Variants in EML6 observed in about 807,000 individuals in gnomAD.
The protein encoded by EML6 is echinoderm microtubule-associated protein-like 6.
EML6 carries 154 observed loss-of-function variants against 240.1 expected under a neutral mutation model. The ratio of observed to expected loss-of-function variants is 0.64; its 90% confidence interval spans 0.56 to 0.73. The LOEUF (loss-of-function observed/expected upper bound fraction) is 0.73, where lower values mean the gene tolerates loss of function less well. Ranked by LOEUF, EML6 falls within the 30% of genes least tolerant of loss-of-function variation. EML6 has a pLI of 0.00. For synonymous variants in EML6, 1,148 were observed against 899.0 expected, an observed-to-expected ratio of 1.28 and a Z score of -4.95; for missense variants, 2,964 against 2,474.6, an observed-to-expected ratio of 1.20 and a Z score of -4.20.
At chr2:54,894,416 A>G (rs545214586) in intron 19 of EML6, among the ~76,000 whole-genome samples, 3 of 152,284 alleles carry the variant, frequency 2.0e-5, no homozygotes, top group East Asian at 3.9e-4. Flanking sequence ...ATGAAATAGG[A>G]TCGTTTCATT....
chr2:54,795,774 A>C (rs947460101), intron 2 of EML6, among the ~76,000 whole-genome samples: 4 of 152,226 alleles, frequency 2.6e-5, no homozygotes, highest in African/African-American at 9.6e-5. Context: ...TTCAATACTT[A>C]ATACTTGAGT....
chr2:54,935,454 C>G (rs1013900219), intron 28 of EML6, among the ~76,000 whole-genome samples: 1 of 152,092 alleles, frequency 6.6e-6, no homozygotes, highest in Non-Finnish European at 1.5e-5. Context: ...GTTTTTATTA[C>G]CTAGTATTAT....
chr2:54,824,083 T>C (rs1572956140), intron 5 of EML6, among the ~76,000 whole-genome samples: 1 of 152,254 alleles, frequency 6.6e-6, no homozygotes, highest in East Asian at 1.9e-4. Flanking sequence ...ATTTCTTTAG[T>C]GAACTACCTT....
intron 17 of EML6, among the ~76,000 whole-genome samples, chr2:54,885,439 C>T (rs185423854): frequency 1.7e-3 from 249 of 150,876 alleles, no homozygotes; most frequent in Middle Eastern, 0.01. Flanking sequence ...AAGAACGAAA[C>T]TCTGTCTCAA....
At position 54,863,773 on chromosome 2, in the gene EML6, ATC is replaced by A; in HGVS notation, c.1826-6_1826-5del. ...TTTTTGCTTGTTTCTTGTGGGTTGT[ATC>A]TCTGCAGAAGGTGGAGCTGATTCCT... On this transcript the variant is annotated splice_polypyrimidine_tract_variant and splice_region_variant and intron_variant, in intron 12 of 41. Coordinates refer to ENST00000356458, the MANE Select transcript of EML6 (RefSeq NM_001039753.4). 1 of 1,469,218 alleles carries A rather than the reference ATC, an allele frequency of 6.8e-7. No homozygotes were observed. The highest frequency in any genetic ancestry group is 2.5e-5 in the East Asian group (1 of 40,140). The allele number at this position is 1,469,218 out of a possible 1,614,324, so 91.0% of individuals were successfully genotyped here. A position where few individuals can be genotyped will look rare whatever the true frequency, so the allele number is the denominator to read the frequency against.
intron 2 of EML6, among the ~76,000 whole-genome samples, chr2:54,760,775 T>C (rs1004389050): frequency 2.6e-5 from 4 of 151,658 alleles, no homozygotes; most frequent in Non-Finnish European, 4.4e-5. Flanking sequence ...ATGGGAGGTG[T>C]ACATGAGATC....
At chr2:54,761,277 TATG>T (rs1667969797) in intron 2 of EML6, among the ~76,000 whole-genome samples, 2 of 152,100 alleles carry the variant, frequency 1.3e-5, no homozygotes, top group Non-Finnish European at 2.9e-5. Context: ...AACCAAAAAA[TATG>T]ATAATAAACA....
chr2:54,970,287 C>G lies in EML6; in HGVS notation c.*192C>G, dbSNP rs776337162. On this transcript the variant is annotated 3_prime_UTR_variant, in exon 42 of 42. Transcript: ENST00000356458. ...TGGACTCTCCAAAACCGTGATGCCA[C>G]GAAGGAAGGTCAAGTTTTAAAATGT... The G allele has an allele frequency of 4.8e-6, 3 of 619,042 alleles. No individual in the cohort carries two copies. The highest frequency in any genetic ancestry group is 5.7e-6 in the Non-Finnish European group (2 of 348,818). 38.3% of individuals were successfully genotyped at this position (619,042 alleles called of 1,614,324 possible).
chr2:54,880,112 C>T (rs867703800), intron 17 of EML6: 1 of 153,832 alleles, frequency 6.5e-6, no homozygotes, highest in Non-Finnish European at 1.4e-5. Flanking sequence ...AATTGTTTCC[C>T]TAATCTTCCG....
intron 4 of EML6, among the ~76,000 whole-genome samples, chr2:54,817,231 A>T (rs1668119877): frequency 6.6e-6 from 1 of 152,226 alleles, no homozygotes. Context: ...GTCACAAAAT[A>T]TGATTACAAG....
chr2:54,884,525 C>G (rs1672016436), intron 17 of EML6, among the ~76,000 whole-genome samples: 1 of 152,150 alleles, frequency 6.6e-6, no homozygotes, highest in Non-Finnish European at 1.5e-5. Flanking sequence ...TTCTGGTGAC[C>G]CATCCTGAAG....
At chr2:54,827,829 C>T (rs1041102397) in intron 6 of EML6, 78 bp downstream of exon 6, 1 of 1,043,790 alleles carries the variant, frequency 9.6e-7, no homozygotes, top group Admixed American at 2.2e-5. Context: ...GTATGTTTCC[C>T]TTCTTGCTTT....
intron 25 of EML6, 63 bp from the exon 26 acceptor site, chr2:54,916,696 G>C (rs750171917): frequency 4.2e-5 from 57 of 1,345,346 alleles, no homozygotes; most frequent in Non-Finnish European, 5.1e-5. Context: ...GGTGCAAACT[G>C]TTTCTTTTAA....
chr2:54,802,829 C>T (rs1481011007), intron 2 of EML6, among the ~76,000 whole-genome samples: 1 of 152,100 alleles, frequency 6.6e-6, no homozygotes, highest in East Asian at 1.9e-4. Flanking sequence ...AGCATGTTCT[C>T]AACTCAGTAG....
At chr2:54,910,252 A>G (rs1180487284) in intron 24 of EML6, among the ~76,000 whole-genome samples, 1 of 152,234 alleles carries the variant, frequency 6.6e-6, no homozygotes, top group African/African-American at 2.4e-5. Flanking sequence ...TGGAACATAA[A>G]TACCTTGAGT....
intron 24 of EML6, among the ~76,000 whole-genome samples, chr2:54,903,900 A>G (rs1273167131): frequency 6.6e-6 from 1 of 152,120 alleles, no homozygotes; most frequent in Non-Finnish European, 1.5e-5. Context: ...ACCGCCCAAA[A>G]AGGCTCAAGC....
At chr2:54,964,296 C>G (rs1000141912) in intron 37 of EML6, 138 bp downstream of exon 37, 9 of 832,088 alleles carry the variant, frequency 1.1e-5, no homozygotes, top group East Asian at 1.1e-4. Context: ...TGAAAGAATA[C>G]CTTCTCCCAC....
At chr2:54,816,405 A>G (rs879450055) in intron 3 of EML6, among the ~76,000 whole-genome samples, 9 of 152,212 alleles carry the variant, frequency 5.9e-5, no homozygotes, top group Non-Finnish European at 1.2e-4. Flanking sequence ...CTTTTAGACT[A>G]TAGAATTCTG....
intron 35 of EML6, among the ~76,000 whole-genome samples, chr2:54,961,269 A>C (rs542366024): frequency 7.0e-6 from 1 of 142,822 alleles, no homozygotes; most frequent in South Asian, 2.2e-4. Flanking sequence ...ACTGCAACCT[A>C]TACCTCTTGG....
Sources: gnomAD v4.1 joint callset for allele counts (sites outside exome capture counted in the v4.1 genomes callset) on GRCh38, gnomAD v4.1.1 for gene constraint, MANE v1.5 for transcripts, NCBI Gene and HGNC (gene_info 2026-07-23, HGNC 2026-07-21) for gene names.